MMP16: variants seen among roughly 807,000 people sequenced by gnomAD.
The protein encoded by MMP16 is matrix metallopeptidase 16, also known as matrix metalloproteinase-16.
Under a neutral mutation model 67.8 loss-of-function variants are expected in MMP16, and 12 were observed. The observed-to-expected ratio is 0.18, with a 90% CI of 0.11 to 0.29. MMP16 has a LOEUF of 0.29. MMP16 is among the 10% of genes least tolerant of loss of function. The pLI, the probability that MMP16 is intolerant of heterozygous loss-of-function variation, is 1.00. For synonymous variants in MMP16, 249 were observed against 255.9 expected (o/e 0.97, Z 0.26); for missense variants, 475 against 765.7 (o/e 0.62, Z 4.48).
chr8:88,071,674 T>C (rs1808557599), intron 7 of MMP16, among the ~76,000 whole-genome samples: 2 of 152,122 alleles, frequency 1.3e-5, no homozygotes, highest in Admixed American at 6.5e-5. Context: ...TAAGTACAGG[T>C]TGGGGCTTGA....
intron 1 of MMP16, among the ~76,000 whole-genome samples, chr8:88,289,109 AAGAGACAGAGACAGAGAC>A (rs374680822): frequency 1.3e-5 from 2 of 152,004 alleles, no homozygotes; most frequent in Non-Finnish European, 2.9e-5. Context: ...ACAGCCCAGA[AAGAGACAGAGACAGAGAC>A]AGAGACAGAG....
chr8:88,204,297 G>A (rs1484413123), intron 1 of MMP16, among the ~76,000 whole-genome samples: 1 of 152,164 alleles, frequency 6.6e-6, no homozygotes, highest in African/African-American at 2.4e-5. Context: ...CAGAATTGAG[G>A]GATAGCATTA....
intron 3 of MMP16, among the ~76,000 whole-genome samples, chr8:88,174,258 T>G (rs539284689): frequency 6.6e-6 from 1 of 152,326 alleles, no homozygotes; most frequent in Non-Finnish European, 1.5e-5. Flanking sequence ...GCAATTTAGG[T>G]ATCTGTCCCA....
rs568185666 is a variant in MMP16, at chr8:88,220,994, G to C, written c.133-23688C>G. On this transcript the variant is annotated intron_variant, in intron 1 of 9. Transcript: ENST00000286614. ...ATTCGCAAGAATGCAGGCTGGGTGA[G>C]CTATGTACCCAGGTGACTATCCTTT... Among the ~76,000 whole-genome samples, 14 of 152,204 alleles carry C rather than the reference G, an allele frequency of 9.2e-5. No homozygotes were observed. The East Asian group carries it at 2.3e-3, about 25-fold the overall frequency.
chr8:88,224,853 T>C (rs1809744457), intron 1 of MMP16, among the ~76,000 whole-genome samples: 2 of 152,004 alleles, frequency 1.3e-5, no homozygotes, highest in Non-Finnish European at 2.9e-5. Context: ...AGGATTAAAG[T>C]AGACAGTATT....
intron 4 of MMP16, among the ~76,000 whole-genome samples, chr8:88,146,745 A>G (rs1808296372): frequency 6.6e-6 from 1 of 151,942 alleles, no homozygotes; most frequent in Non-Finnish European, 1.5e-5. Flanking sequence ...TATATGTACT[A>G]ACGTACAGGG....
rs1365879754 is a variant in MMP16 at position 88,039,187 on chromosome 8, T to C, written c.*2274A>G. ...TATTAGCAAATGAGTAAGAAATTTTTACTAGTATAAAATTCCTGCTTTATA... is the reference window on the plus strand; with the variant it reads ...TATTAGCAAATGAGTAAGAAATTTTCACTAGTATAAAATTCCTGCTTTATA... On this transcript the variant is annotated 3_prime_UTR_variant, in exon 10 of 10. Coordinates refer to ENST00000286614, the MANE Select transcript of MMP16 (RefSeq NM_005941.5). This position sits in a 1 kb window ranked among gnomAD's most constrained non-coding sequence, Gnocchi z 4.5. 6.6e-6 allele frequency: 1 copy of C among 152,564 alleles called. No homozygotes were observed. The highest frequency in any genetic ancestry group is 1.5e-5 in the Non-Finnish European group (1 of 68,032). 9.5% of individuals were successfully genotyped at this position (152,564 alleles called of 1,614,324 possible).
chr8:88,300,709 A>G (rs1811084310), intron 1 of MMP16, among the ~76,000 whole-genome samples: 2 of 152,212 alleles, frequency 1.3e-5, no homozygotes, highest in Non-Finnish European at 2.9e-5. Flanking sequence ...GGCATCTACT[A>G]GGGAACTTAT....
chr8:88,295,238 A>C (rs1687754814), intron 1 of MMP16, among the ~76,000 whole-genome samples: 1 of 152,216 alleles, frequency 6.6e-6, no homozygotes, highest in African/African-American at 2.4e-5. Context: ...TGAATTTAAA[A>C]TAATTCTCCT....
Position 88,034,759 on chromosome 8 carries a change from T to C in MMP16, c.*6702A>G, listed in dbSNP as rs1216294953. ...GCATTATGTAACGGCAAATGAAACA[T>C]GCATCCTAGTGACTTTTCAAATAGA... On this transcript the variant is annotated 3_prime_UTR_variant, in exon 10 of 10. Coordinates refer to ENST00000286614, the MANE Select transcript of MMP16 (RefSeq NM_005941.5). 6.6e-6 allele frequency: 1 copy of C among 152,010 alleles called. No homozygotes were observed. The highest frequency in any genetic ancestry group is 2.4e-5 in the African/African-American group (1 of 41,422). 9.4% of individuals were successfully genotyped at this position (152,010 alleles called of 1,614,324 possible).
intron 6 of MMP16, among the ~76,000 whole-genome samples, chr8:88,091,365 G>GT (rs1381002851): frequency 4.0e-5 from 6 of 151,690 alleles, no homozygotes; most frequent in African/African-American, 7.3e-5. Context: ...AATTGTGACC[G>GT]TGAGGACAAA....
chr8:88,047,188 A>T (rs1808210144), intron 8 of MMP16, among the ~76,000 whole-genome samples: 1 of 152,214 alleles, frequency 6.6e-6, no homozygotes, highest in Non-Finnish European at 1.5e-5. Flanking sequence ...TTTCTTAGGA[A>T]GCAGAACATT....
intron 3 of MMP16, among the ~76,000 whole-genome samples, chr8:88,168,721 A>G (rs1430564562): frequency 1.3e-5 from 2 of 152,168 alleles, no homozygotes; most frequent in East Asian, 3.8e-4. Flanking sequence ...CAAAAATGGA[A>G]CTAGTATTTG....
chr8:88,262,090 A>G (rs1015372189), intron 1 of MMP16, among the ~76,000 whole-genome samples: 5 of 152,158 alleles, frequency 3.3e-5, no homozygotes, highest in Non-Finnish European at 5.9e-5. Context: ...AATGTCTGGT[A>G]ATAAAGTGAT....
intron 6 of MMP16, among the ~76,000 whole-genome samples, chr8:88,101,460 A>C (rs555382438): frequency 5.9e-5 from 9 of 151,908 alleles, no homozygotes; most frequent in Admixed American, 1.3e-4. Context: ...TTTCAGGATT[A>C]TGAATAAGGA....
intron 4 of MMP16, among the ~76,000 whole-genome samples, chr8:88,148,603 T>C (rs897746791): frequency 3.3e-5 from 5 of 152,154 alleles, no homozygotes; most frequent in African/African-American, 1.2e-4. Flanking sequence ...TCTCTGCATT[T>C]CACACACGCT....
intron 4 of MMP16, among the ~76,000 whole-genome samples, chr8:88,123,497 T>A (rs1258764056): frequency 6.6e-6 from 1 of 151,792 alleles, no homozygotes; most frequent in East Asian, 2.0e-4. Context: ...GCCACTCTCT[T>A]GGTGGTCAGG....
chr8:88,294,754 G>A lies in MMP16; in HGVS notation c.132+32321C>T, dbSNP rs149279756. On this transcript the variant is annotated intron_variant, in intron 1 of 9. Transcript: ENST00000286614. Reference sequence around the variant, plus strand: ...TTTTGAGGTGGAGTCTCGCTCTGTCGCCCAGGCTGGAGCGCAGTGGTGCAA... The same window carrying A: ...TTTTGAGGTGGAGTCTCGCTCTGTCACCCAGGCTGGAGCGCAGTGGTGCAA... 1.7e-4 allele frequency among the ~76,000 whole-genome samples: 26 copies of A among 152,016 alleles called. 2 individuals carry two copies. The highest frequency in any genetic ancestry group is 4.8e-4 in the African/African-American group (20 of 41,468).
At chr8:88,125,463 T>C (rs537939562) in intron 4 of MMP16, among the ~76,000 whole-genome samples, 4 of 152,052 alleles carry the variant, frequency 2.6e-5, no homozygotes, top group African/African-American at 9.6e-5. Flanking sequence ...TTCAGAAATA[T>C]GTAAGTGCCA....
Sources: allele counts gnomAD v4.1 joint callset (sites outside exome capture counted in the v4.1 genomes callset), GRCh38; gene constraint gnomAD v4.1.1; non-coding constraint Gnocchi (gnomAD v3.1); transcripts MANE v1.5; gene names NCBI Gene and HGNC (gene_info 2026-07-23, HGNC 2026-07-21).